The following MAP7D2 variants were observed in gnomAD, a reference collection of about 807,000 sequenced individuals.
MAP7D2 encodes the protein MAP7 domain containing 2.
A neutral mutation model predicts 63.5 loss-of-function variants in MAP7D2; 33 were observed. The observed-to-expected ratio is 0.52, with a 90% CI of 0.39 to 0.70. The LOEUF (loss-of-function observed/expected upper bound fraction) is 0.70, where lower values mean the gene tolerates loss of function less well. Among genes scored for constraint, MAP7D2 ranks in the 30% least tolerant of loss-of-function variants. The pLI is 0.00. For synonymous variants in MAP7D2, 224 were observed against 223.7 expected, an observed-to-expected ratio of 1.00 and a Z score of -0.01; for missense variants, 626 against 604.0, an observed-to-expected ratio of 1.04 and a Z score of -0.38.
In MAP7D2 at chrX:20,025,898, T is replaced by C; in HGVS notation, c.1062A>G (p.Pro354=). 1 of 1,211,655 alleles carries C rather than the reference T, an allele frequency of 8.3e-7. No homozygotes were observed. Residue 354 remains proline, a synonymous_variant, in exon 9 of 17, where the codon CCA becomes CCG. Transcript: ENST00000379643. ...GTAAGCGGTACTTCACAGGAGACCC[T>C]GGGTAGGGAGGTTTCGTTGTCTTTG... ...QSPKTTKPPY[P]GSPVKYRLPA... is the part of the protein sequence containing the mutation.
chrX:20,086,013 C>G (rs982803507), intron 1 of MAP7D2, among the ~76,000 whole-genome samples: 1 of 112,347 alleles, frequency 8.9e-6, no homozygotes, highest in Non-Finnish European at 1.9e-5. Context: ...TGCAGGCCTG[C>G]GCAGTTTTTT....
intron 2 of MAP7D2, 35 bp from the exon 3 acceptor site, chrX:20,063,612 C>T: frequency 8.4e-7 from 1 of 1,191,431 alleles, no homozygotes; most frequent in Middle Eastern, 2.3e-4. Flanking sequence ...GTGTCATTAC[C>T]AGAGCATCCC....
chrX:20,077,176 C>G, intron 1 of MAP7D2, among the ~76,000 whole-genome samples: 1 of 112,061 alleles, frequency 8.9e-6, no homozygotes, highest in South Asian at 3.7e-4. Context: ...GAGTTCTAGC[C>G]GCGCACAGTG....
At chrX:20,023,354 T>C (rs2073722633) in intron 10 of MAP7D2, among the ~76,000 whole-genome samples, 1 of 112,174 alleles carries the variant, frequency 8.9e-6, no homozygotes, top group Non-Finnish European at 1.9e-5. Flanking sequence ...TCGGGAGAGC[T>C]TGTTGGGAGA....
At chrX:20,076,550 AC>A (rs2065648494) in intron 1 of MAP7D2, among the ~76,000 whole-genome samples, 2 of 110,726 alleles carry the variant, frequency 1.8e-5, no homozygotes, top group African/African-American at 6.6e-5. Context: ...TACTAAAAAT[AC>A]AAAAATTAGG....
intron 1 of MAP7D2, among the ~76,000 whole-genome samples, chrX:20,106,040 G>C (rs894264116): frequency 9.0e-6 from 1 of 111,557 alleles, no homozygotes; most frequent in African/African-American, 3.3e-5. Flanking sequence ...AGCAAATGGG[G>C]GCCAAACCGA....
In MAP7D2 at chrX:20,050,897, C is replaced by G; in HGVS notation, c.645G>C (p.Leu215=). The change falls in exon 6 of 17, where the codon CTG becomes CTC. Residue 215 remains leucine, a synonymous_variant. Transcript: ENST00000379643. The part of the protein sequence containing the change: ...SPMEAILVSR[L]LTPTQSSLAR... ...CTAAAGAAGACTGTGTGGGTGTCAA[C>G]AGTCGCGAAACAAGAATGGCTTCCA... The G allele has an allele frequency of 8.5e-7, 1 of 1,177,969 alleles. No individual in the cohort carries two copies. The highest frequency in any genetic ancestry group is 1.1e-6 in the Non-Finnish European group (1 of 877,530).
At chrX:20,042,401 C>T in intron 8 of MAP7D2, 101 bp downstream of exon 8, 4 of 991,806 alleles carry the variant, frequency 4.0e-6, no homozygotes, top group South Asian at 4.5e-5. Flanking sequence ...TGGCTGGCCA[C>T]GCCTCACGGG....
chrX:20,044,636 T>A, intron 6 of MAP7D2, 112 bp from the exon 7 acceptor site: 1 of 676,523 alleles, frequency 1.5e-6, no homozygotes, highest in Non-Finnish European at 2.3e-6. Context: ...GCAATCAATA[T>A]CATACTTTTC....
rs765632033 is a variant in MAP7D2 at position 20,012,503 on chromosome X, T to C, written c.1918A>G (p.Asn640Asp). Residue 640 changes from asparagine to aspartate, a missense_variant, in exon 15 of 17, where the codon AAT becomes GAT. Coordinates refer to ENST00000379643, the MANE Select transcript of MAP7D2 (RefSeq NM_001168465.2). ...TCTGGGGCAGCGTGATCCACACCAT[T>C]AACTTCCTGGCAGGTGTTCAATCCA... ...INGLNTCQEVNGVDHAAPETY... is the reference protein window; with the variant it reads ...INGLNTCQEVDGVDHAAPETY... 1 of 1,196,486 alleles carries C rather than the reference T, an allele frequency of 8.4e-7. No individual in the cohort carries two copies. Among genetic ancestry groups the C allele is most frequent in the Admixed American group, 2.3e-5 (1 of 44,061 alleles).
intron 10 of MAP7D2, among the ~76,000 whole-genome samples, chrX:20,018,861 A>C (rs1264458707): frequency 4.5e-5 from 5 of 111,010 alleles, no homozygotes; most frequent in Non-Finnish European, 9.4e-5. Context: ...GGTCCCTCAC[A>C]ATCCTCTCCG....
At chrX:20,072,228 G>A (rs992984759) in intron 1 of MAP7D2, among the ~76,000 whole-genome samples, 2 of 111,632 alleles carry the variant, frequency 1.8e-5, no homozygotes, top group African/African-American at 3.3e-5. Flanking sequence ...GGCACTCCAT[G>A]AGCTGCTCCC....
Position 20,016,134 on chromosome X carries a change from T to G in MAP7D2, c.1604A>C (p.Gln535Pro), listed in dbSNP as rs1372063859. 3 of 1,205,583 alleles carry G rather than the reference T, an allele frequency of 2.5e-6. No homozygotes were observed. The highest frequency in any genetic ancestry group is 3.4e-6 in the Non-Finnish European group (3 of 892,596). The change falls in exon 11 of 17, where the codon CAA becomes CCA. Residue 535 changes from glutamine (Q) to proline (P), a missense_variant. Coordinates refer to ENST00000379643, the MANE Select transcript of MAP7D2 (RefSeq NM_001168465.2). ...AEEELLLKEK[Q>P]EQEKQEKAMI... ...GGCTTTCTCTTGTTTTTCTTGTTCT[T>G]GCTTTTCTTTCAACAACAGCTCCTC...
chrX:20,043,685 T>A (rs73445261), intron 7 of MAP7D2, among the ~76,000 whole-genome samples: 3,149 of 112,453 alleles, frequency 0.028, 110 homozygotes, highest in African/African-American at 0.096. Context: ...TTAATAGATA[T>A]TTGTTATTTT....
At chrX:20,036,579 T>C (rs2064493385) in intron 8 of MAP7D2, among the ~76,000 whole-genome samples, 2 of 105,622 alleles carry the variant, frequency 1.9e-5, no homozygotes, top group South Asian at 4.6e-4. Flanking sequence ...AACCTGCACA[T>C]GTGCCCCTGA....
At position 20,063,526 on chromosome X, in the gene MAP7D2, T is replaced by C. The variant is rs763530436; in HGVS notation, c.260A>G (p.Tyr87Cys). 3.3e-6 allele frequency: 4 copies of C among 1,212,257 alleles called. No individual in the cohort carries two copies. Among genetic ancestry groups the C allele is most frequent in the Non-Finnish European group, 4.5e-6 (4 of 895,586 alleles). ...LEKQKRARLQ[Y>C]EKQMEERWRK... ...CCATCGCTCCTCCATTTGCTTTTCG[T>C]ACTGCAGCCTGGCTCTTTTCTGTTT... Residue 87 changes from tyrosine to cysteine, a missense_variant, in exon 3 of 17, where the codon TAC (tyrosine) becomes TGC (cysteine). Transcript: ENST00000379643.
rs1354009713 is a variant in MAP7D2, at chrX:20,025,759, G to T, written c.1201C>A (p.Leu401Ile). 1 of 1,209,909 alleles carries T rather than the reference G, an allele frequency of 8.3e-7. No individual in the cohort carries two copies. Among genetic ancestry groups the T allele is most frequent in the Non-Finnish European group, 1.1e-6 (1 of 895,147 alleles). Residue 401 changes from leucine to isoleucine, a missense_variant, in exon 9 of 17, where the codon CTA (leucine) becomes ATA (isoleucine). By Grantham distance (5) the Leu-to-Ile change is conservative (BLOSUM62 2). Coordinates refer to ENST00000379643, the MANE Select transcript of MAP7D2 (RefSeq NM_001168465.2). The stretch of plus-strand genomic sequence containing the variant: ...TGCTTGTCCACTACATGCTTCTCTA[G>T]GGCTTCCTCTCCTTGCGGGCCAGCA... ...QAAGPQGEEA[L>I]EKHVVDKHAS...
chrX:20,040,044 C>T (rs1435666864), intron 8 of MAP7D2, among the ~76,000 whole-genome samples: 3 of 105,181 alleles, frequency 2.9e-5, no homozygotes, highest in Admixed American at 2.1e-4. Context: ...TGTGGAAGGA[C>T]GACTAGACTG....
At chrX:20,027,755 G>GGGGA (rs2073910823) in intron 8 of MAP7D2, among the ~76,000 whole-genome samples, 3 of 81,904 alleles carry the variant, frequency 3.7e-5, no homozygotes, top group Non-Finnish European at 4.6e-5. Flanking sequence ...GAGAAGGCGG[G>GGGGA]GGGAGAGAGA....
Sources: gnomAD v4.1 joint callset for allele counts (sites outside exome capture counted in the v4.1 genomes callset) on GRCh38, gnomAD v4.1.1 for gene constraint, MANE v1.5 for transcripts, NCBI Gene and HGNC (gene_info 2026-07-23, HGNC 2026-07-21) for gene names.